ARHGEF28: variants seen among roughly 807,000 people sequenced by gnomAD.
ARHGEF28 encodes the protein 190 kDa guanine nucleotide exchange factor.
Under a neutral mutation model 206.6 loss-of-function variants are expected in ARHGEF28, and 152 were observed. The observed-to-expected ratio is 0.74, with a 90% CI of 0.64 to 0.84. The LOEUF (loss-of-function observed/expected upper bound fraction) is 0.84. Among genes scored for constraint, ARHGEF28 ranks in the 40% least tolerant of loss-of-function variants. The pLI is 0.00. For missense variants in ARHGEF28, 2,028 were observed against 2,073.2 expected (o/e 0.98, Z 0.42); for synonymous variants, 763 against 776.4 (o/e 0.98, Z 0.29).
At chr5:73,926,035 T>C (rs199745400) in intron 35 of ARHGEF28, among the ~76,000 whole-genome samples, 1 of 152,230 alleles carries the variant, frequency 6.6e-6, no homozygotes, top group Non-Finnish European at 1.5e-5. Flanking sequence ...TACTGTGAAA[T>C]AGTGATTGTC....
intron 9 of ARHGEF28, among the ~76,000 whole-genome samples, chr5:73,799,104 ACTG>A (rs1754991900): frequency 6.6e-6 from 1 of 152,056 alleles, no homozygotes; most frequent in Non-Finnish European, 1.5e-5. Context: ...ACAAATAGGA[ACTG>A]CTTAAAGTTT....
At position 73,940,837 on chromosome 5, in the gene ARHGEF28, C is replaced by A. The variant is rs150373044; in HGVS notation, c.4949-7C>A. On this transcript the variant is annotated splice_region_variant and splice_polypyrimidine_tract_variant and intron_variant, in intron 35 of 35. Transcript: ENST00000513042. ...CTCCTGTAACCTGTGCTGTCTGTTT[C>A]TTGCAGATTTGGACACCTCCCACAC... 3 of 1,480,298 alleles carry A rather than the reference C, an allele frequency of 2.0e-6. No homozygotes were observed. The highest frequency in any genetic ancestry group is 5.1e-5 in the East Asian group (2 of 39,064). 91.7% of individuals were successfully genotyped at this position (1,480,298 alleles called of 1,614,324 possible). A position where few individuals can be genotyped will look rare whatever the true frequency, so the allele number is the denominator to read the frequency against.
At chr5:73,758,230 G>A (rs934653129) in intron 4 of ARHGEF28, among the ~76,000 whole-genome samples, 2 of 152,076 alleles carry the variant, frequency 1.3e-5, no homozygotes, top group African/African-American at 2.4e-5. Context: ...GGAGTAGGTC[G>A]AGCTTGTCCT....
chr5:73,851,186 C>T (rs1295773252), intron 13 of ARHGEF28, among the ~76,000 whole-genome samples: 1 of 152,148 alleles, frequency 6.6e-6, no homozygotes, highest in Non-Finnish European at 1.5e-5. Flanking sequence ...GTTTGTGTTG[C>T]CATAAATCCT....
chr5:73,813,769 G>A, intron 9 of ARHGEF28: 1 of 1,375,644 alleles, frequency 7.3e-7, no homozygotes, highest in Non-Finnish European at 9.9e-7. Flanking sequence ...TTCCAATGTA[G>A]CGCGTGTTTA....
chr5:73,940,250 C>A (rs1382735955), intron 35 of ARHGEF28, among the ~76,000 whole-genome samples: 1 of 152,156 alleles, frequency 6.6e-6, no homozygotes, highest in African/African-American at 2.4e-5. Context: ...AAACATCAAA[C>A]CCAGTCAGAG....
intron 2 of ARHGEF28, among the ~76,000 whole-genome samples, chr5:73,714,099 T>C (rs1163904665): frequency 6.6e-6 from 1 of 152,178 alleles, no homozygotes; most frequent in Non-Finnish European, 1.5e-5. Flanking sequence ...GTCTTGGTTT[T>C]CTCCAGCGTA....
At chr5:73,767,738 G>C (rs530519679) in intron 4 of ARHGEF28, among the ~76,000 whole-genome samples, 1 of 152,166 alleles carries the variant, frequency 6.6e-6, no homozygotes, top group African/African-American at 2.4e-5. Flanking sequence ...CATTTTCTGA[G>C]GAGAAATTCA....
At chr5:73,889,471 C>G (rs2112679820) in intron 26 of ARHGEF28, among the ~76,000 whole-genome samples, 1 of 152,356 alleles carries the variant, frequency 6.6e-6, no homozygotes, top group Admixed American at 6.5e-5. Context: ...TCTTAGAATA[C>G]TGAGTCTAGG....
chr5:73,643,594 C>T (rs1464821396), intron 1 of ARHGEF28, among the ~76,000 whole-genome samples: 12 of 152,050 alleles, frequency 7.9e-5, no homozygotes, highest in Admixed American at 7.2e-4. Flanking sequence ...GCAGGCGGAT[C>T]GCTTGAACAC....
chr5:73,857,798 T>G lies in ARHGEF28; in HGVS notation c.1914+19T>G. The G allele has an allele frequency of 6.2e-7, 1 of 1,602,852 alleles. No homozygotes were observed. Among genetic ancestry groups the G allele is most frequent in the Non-Finnish European group, 8.5e-7 (1 of 1,175,314 alleles). Reference sequence around the variant, plus strand: ...ATCAAAGGTAATTAAAGTGATTCACTTATTTTCTATAAAATATAGACATTT... The same window carrying G: ...ATCAAAGGTAATTAAAGTGATTCACGTATTTTCTATAAAATATAGACATTT... On this transcript the variant is annotated intron_variant, in intron 15 of 35. Coordinates refer to ENST00000513042, the MANE Select transcript of ARHGEF28 (RefSeq NM_001177693.2).
chr5:73,751,686 CT>C (rs1752025067), intron 3 of ARHGEF28, among the ~76,000 whole-genome samples: 1 of 152,054 alleles, frequency 6.6e-6, no homozygotes, highest in African/African-American at 2.4e-5. Context: ...GTAATATAAT[CT>C]TTTGTTTATA....
intron 2 of ARHGEF28, among the ~76,000 whole-genome samples, chr5:73,742,084 T>C (rs1272141663): frequency 1.3e-5 from 2 of 152,242 alleles, no homozygotes; most frequent in Non-Finnish European, 2.9e-5. Flanking sequence ...CCTAGTAATA[T>C]GTGTTGCTTT....
chr5:73,872,458 A>G (rs1298321924), intron 21 of ARHGEF28, among the ~76,000 whole-genome samples: 1 of 152,058 alleles, frequency 6.6e-6, no homozygotes. Context: ...TTTCTTGATG[A>G]TGTCCTTTGA....
intron 2 of ARHGEF28, among the ~76,000 whole-genome samples, chr5:73,737,442 C>CTTTTT (rs1190488593): frequency 4.9e-5 from 1 of 20,596 alleles, no homozygotes; most frequent in Non-Finnish European, 8.5e-5. Flanking sequence ...CCTCTTCCTT[C>CTTTTT]TTTTCTTTTC....
chr5:73,749,713 T>C, intron 2 of ARHGEF28, 124 bp from the exon 3 acceptor site: 2 of 1,027,124 alleles, frequency 1.9e-6, no homozygotes, highest in South Asian at 1.7e-5. Flanking sequence ...TCATGCTATT[T>C]GAACTCAACC....
intron 16 of ARHGEF28, among the ~76,000 whole-genome samples, chr5:73,859,919 AC>A (rs1220994344): frequency 6.6e-6 from 1 of 152,084 alleles, no homozygotes. Flanking sequence ...TTCTTCATTA[AC>A]CATCTGCATT....
At chr5:73,901,122 C>A in intron 30 of ARHGEF28, 62 bp from the exon 31 acceptor site, 1 of 1,376,382 alleles carries the variant, frequency 7.3e-7, no homozygotes. Flanking sequence ...CAGAAGAACC[C>A]GGTGGGCTGG....
At chr5:73,913,568 C>T (rs1002646009) in intron 35 of ARHGEF28, among the ~76,000 whole-genome samples, 27 of 152,206 alleles carry the variant, frequency 1.8e-4, no homozygotes, top group African/African-American at 6.3e-4. Context: ...TGGGCGCTTG[C>T]CACACATGAT....
Sources: gnomAD v4.1 joint callset for allele counts (sites outside exome capture counted in the v4.1 genomes callset) on GRCh38, gnomAD v4.1.1 for gene constraint, MANE v1.5 for transcripts, NCBI Gene and HGNC (gene_info 2026-07-23, HGNC 2026-07-21) for gene names.